The following TG variants were observed in gnomAD, a reference collection of about 807,000 sequenced individuals.
TG encodes thyroglobulin.
In TG, 270 loss-of-function variants were observed where a neutral mutation model predicts 324.7. That is an observed-to-expected ratio of 0.83 (90% CI 0.75 to 0.92). The LOEUF is 0.92. Ranked by LOEUF, TG falls within the 40% of genes least tolerant of loss-of-function variation. The probability of loss-of-function intolerance (pLI) is 0.00; values close to 1 mark genes in which losing one functional copy is unlikely to be tolerated. For synonymous variants in TG, 1,401 were observed against 1,327.0 expected, an observed-to-expected ratio of 1.06 and a Z score of -1.21; for missense variants, 3,591 against 3,456.4, an observed-to-expected ratio of 1.04 and a Z score of -0.98.
rs773315457 is a variant in TG, at chr8:132,873,140, A to G, written c.557A>G (p.Glu186Gly). The G allele has an allele frequency of 6.2e-7, 1 of 1,614,036 alleles. No individual in the cohort carries two copies. The highest frequency in any genetic ancestry group is 1.1e-5 in the South Asian group (1 of 91,070). Residue 186 changes from glutamate (E) to glycine (G), a missense_variant, in exon 5 of 48, where the codon GAG (glutamate) becomes GGG (glycine). Coordinates refer to ENST00000220616, the MANE Select transcript of TG (RefSeq NM_003235.5). Reference protein sequence around the residue: ...GDKSPPQCSAEGEFMPVQCKF... With the variant: ...GDKSPPQCSAGGEFMPVQCKF... ...AAGTCACCACCCCAGTGTTCTGCGG[A>G]GGGAGAGTTTATGCCTGTCCAGTGC...
chr8:132,993,931 A>G (rs1371967485), intron 35 of TG, among the ~76,000 whole-genome samples: 1 of 152,234 alleles, frequency 6.6e-6, no homozygotes, highest in Non-Finnish European at 1.5e-5. Flanking sequence ...TATGGAAGAT[A>G]TCCTTCAGCC....
At chr8:133,115,190 G>A (rs1850576287) in intron 44 of TG, among the ~76,000 whole-genome samples, 1 of 152,130 alleles carries the variant, frequency 6.6e-6, no homozygotes, top group South Asian at 2.1e-4. Flanking sequence ...GCTGGGGTGA[G>A]AGCTGAGACT....
chr8:132,971,081 C>G (rs1314910162), intron 32 of TG, among the ~76,000 whole-genome samples: 3 of 152,124 alleles, frequency 2.0e-5, no homozygotes, highest in African/African-American at 7.2e-5. Flanking sequence ...CAGACTGGAG[C>G]AGAGTGGTCG....
chr8:132,960,277 T>G (rs1827551109), intron 27 of TG, among the ~76,000 whole-genome samples: 1 of 152,240 alleles, frequency 6.6e-6, no homozygotes, highest in African/African-American at 2.4e-5. Context: ...TGATCATATC[T>G]CGATGTCCCA....
chr8:133,052,515 T>G (rs1840605375), intron 41 of TG, among the ~76,000 whole-genome samples: 1 of 152,150 alleles, frequency 6.6e-6, no homozygotes, highest in Non-Finnish European at 1.5e-5. Flanking sequence ...CTGCAGACCT[T>G]CCCCAAACCT....
At chr8:132,971,253 C>T (rs898157543) in intron 32 of TG, among the ~76,000 whole-genome samples, 3 of 152,082 alleles carry the variant, frequency 2.0e-5, no homozygotes, top group African/African-American at 4.8e-5. Flanking sequence ...CCCAGTAAAC[C>T]GAAATGCATT....
At chr8:133,121,546 T>C (rs1851143554) in intron 45 of TG, among the ~76,000 whole-genome samples, 1 of 152,208 alleles carries the variant, frequency 6.6e-6, no homozygotes, top group Admixed American at 6.5e-5. Flanking sequence ...GCTATTCTTA[T>C]GGAGGCAAAA....
intron 24 of TG, among the ~76,000 whole-genome samples, chr8:132,934,796 A>G (rs558130916): frequency 1.3e-3 from 196 of 152,302 alleles, no homozygotes; most frequent in Non-Finnish European, 2.1e-3. Flanking sequence ...ACACCAATTT[A>G]TCCTACCTCA....
At position 133,095,105 on chromosome 8, in the gene TG, T is replaced by C. The variant is rs772426918; in HGVS notation, c.7301T>C (p.Ile2434Thr). The C allele has an allele frequency of 3.7e-6, 6 of 1,614,060 alleles. No homozygotes were observed. In the South Asian group the frequency reaches 4.4e-5, roughly 12 times the overall value. ...CATGAGAGGGCTCAGCAGCAGGCAA[T>C]TGCTTTGGCAAAGGAGGTCAGTTGC... Reference protein sequence around the residue: ...ISHERAQQQAIALAKEVSCPM... With the variant: ...ISHERAQQQATALAKEVSCPM... Residue 2434 changes from isoleucine to threonine, a missense_variant, in exon 42 of 48, where the codon ATT becomes ACT. Coordinates refer to ENST00000220616, the MANE Select transcript of TG (RefSeq NM_003235.5).
At chr8:133,049,774 G>T in intron 41 of TG, 1 of 717,260 alleles carries the variant, frequency 1.4e-6, no homozygotes. Context: ...ACTGGGTTGG[G>T]AGCAGGACTA....
chr8:132,917,626 T>G (rs990298035), intron 20 of TG, among the ~76,000 whole-genome samples: 3 of 151,850 alleles, frequency 2.0e-5, no homozygotes, highest in African/African-American at 7.3e-5. Flanking sequence ...GGGCTGGAGA[T>G]GGGACCATGG....
At chr8:132,905,328 G>A (rs1198097675) in intron 16 of TG, among the ~76,000 whole-genome samples, 2 of 152,152 alleles carry the variant, frequency 1.3e-5, no homozygotes, top group African/African-American at 4.8e-5. Context: ...GGGACTTGGT[G>A]AAAGACAACT....
At chr8:132,890,673 C>T (rs780130132) in intron 10 of TG, among the ~76,000 whole-genome samples, 2 of 152,186 alleles carry the variant, frequency 1.3e-5, no homozygotes, top group Non-Finnish European at 2.9e-5. Flanking sequence ...AGTTACAATA[C>T]ATAACTGCCT....
chr8:132,967,179 ATGT>A (rs1828721507), intron 30 of TG, among the ~76,000 whole-genome samples: 1 of 145,596 alleles, frequency 6.9e-6, no homozygotes, highest in African/African-American at 2.6e-5. Context: ...CCATCCATCC[ATGT>A]ATCCATGTAT....
intron 45 of TG, among the ~76,000 whole-genome samples, chr8:133,118,276 C>A (rs1227653503): frequency 1.6e-4 from 24 of 150,962 alleles, no homozygotes; most frequent in Admixed American, 1.6e-3. Flanking sequence ...TCTCATTTCT[C>A]CTAAGCACTC....
At chr8:133,003,025 G>A (rs984112270) in intron 35 of TG, 1 of 1,041,712 alleles carries the variant, frequency 9.6e-7, no homozygotes, top group African/African-American at 1.7e-5. Flanking sequence ...TTTTCCAAAA[G>A]GCTTGGAGAA....
At chr8:132,971,438 C>T (rs1024368285) in intron 32 of TG, among the ~76,000 whole-genome samples, 1 of 152,162 alleles carries the variant, frequency 6.6e-6, no homozygotes, top group Admixed American at 6.5e-5. Context: ...TCCCAGTGTC[C>T]AAAGCTGAGA....
chr8:132,904,881 T>C (rs962410551), intron 16 of TG, among the ~76,000 whole-genome samples: 1 of 152,224 alleles, frequency 6.6e-6, no homozygotes, highest in African/African-American at 2.4e-5. Context: ...TGTACACACA[T>C]GCATCTAGCA....
intron 21 of TG, among the ~76,000 whole-genome samples, chr8:132,922,292 T>G (rs1394449997): frequency 6.6e-6 from 1 of 152,210 alleles, no homozygotes; most frequent in African/African-American, 2.4e-5. Flanking sequence ...AGCTTGAACA[T>G]GGATATAGAG....
Sources: allele counts gnomAD v4.1 joint callset (sites outside exome capture counted in the v4.1 genomes callset), GRCh38; gene constraint gnomAD v4.1.1; transcripts MANE v1.5; gene names NCBI Gene and HGNC (gene_info 2026-07-23, HGNC 2026-07-21).